Variants in MEGF10 observed in about 807,000 individuals in gnomAD.
MEGF10 encodes the protein multiple EGF like domains 10.
In MEGF10, 86 loss-of-function variants were observed where a neutral mutation model predicts 147.5. The observed-to-expected ratio is 0.58, with a 90% CI of 0.49 to 0.70. The LOEUF is 0.70. MEGF10 is among the 30% of genes least tolerant of loss of function. MEGF10 has a pLI of 0.00. For missense variants in MEGF10, 1,329 were observed against 1,487.3 expected, an observed-to-expected ratio of 0.89 and a Z score of 1.75; for synonymous variants, 478 against 525.5, an observed-to-expected ratio of 0.91 and a Z score of 1.24.
intron 19 of MEGF10, chr5:127,444,846 T>A (rs1765882471): frequency 6.5e-6 from 1 of 152,790 alleles, no homozygotes; most frequent in African/African-American, 2.4e-5. Context: ...AGATTTATAA[T>A]GGTGTTATGC....
chr5:127,238,807 A>G, the MEGF10 span, among the ~76,000 whole-genome samples: 1 of 149,950 alleles, frequency 6.7e-6, no homozygotes, highest in East Asian at 1.9e-4. Flanking sequence ...ATCTGTGTAA[A>G]TGTCTCTTGG....
chr5:127,254,697 G>A, the MEGF10 span, among the ~76,000 whole-genome samples: 1 of 151,670 alleles, frequency 6.6e-6, no homozygotes, highest in East Asian at 2.0e-4. Flanking sequence ...TGTAATCCAA[G>A]CTACTTGGGA....
At chr5:127,278,810 G>T in the MEGF10 span, among the ~76,000 whole-genome samples, 1 of 152,198 alleles carries the variant, frequency 6.6e-6, no homozygotes, top group African/African-American at 2.4e-5. Flanking sequence ...AACTGACAGT[G>T]AAGATGAAAG....
Position 127,455,498 on chromosome 5 carries a change from G to A in MEGF10, c.3123G>A (p.Pro1041=), listed in dbSNP as rs764182965. ...TTAAAGACCCACCTGTACTTATCCC[G>A]AAAAGCTCAGAGTGTGGTTATGTGG... ...ATIKDPPVLI[P]KSSECGYVEM... The change falls in exon 24 of 25, where the codon CCG becomes CCA. Residue 1041 remains proline, a synonymous_variant. Coordinates refer to ENST00000503335, the MANE Select transcript of MEGF10 (RefSeq NM_001256545.2). 14 of 1,614,038 alleles carry A rather than the reference G, an allele frequency of 8.7e-6. 1 individual carries two copies. The highest frequency in any genetic ancestry group is 4.5e-5 in the East Asian group (2 of 44,860).
chr5:127,440,912 T>C, intron 18 of MEGF10, 45 bp downstream of exon 18: 1 of 1,598,932 alleles, frequency 6.3e-7, no homozygotes, highest in Non-Finnish European at 8.5e-7. Flanking sequence ...TTTTTTCCTC[T>C]AGAATCACAT....
intron 5 of MEGF10, among the ~76,000 whole-genome samples, chr5:127,373,181 C>G (rs192070348): frequency 2.2e-4 from 33 of 152,174 alleles, no homozygotes; most frequent in Admixed American, 4.6e-4. Flanking sequence ...AGACTAGAGT[C>G]TCGCTCTGTC....
intron 13 of MEGF10, among the ~76,000 whole-genome samples, chr5:127,428,787 T>C (rs912434723): frequency 9.2e-5 from 14 of 152,250 alleles, no homozygotes; most frequent in African/African-American, 3.4e-4. Context: ...TTTGGGGTTA[T>C]ATCTATGAGA....
rs1291742044 is a variant in MEGF10 at position 127,400,436 on chromosome 5, T to G, written c.780+1640T>G. On this transcript the variant is annotated intron_variant, in intron 7 of 24. Transcript: ENST00000503335. ...AAGGCTACTCCTTCTCTACCTTTTT[T>G]GTCTTGGTTAAAACTAACACTTCTC... Among the ~76,000 whole-genome samples the G allele has an allele frequency of 2.0e-5, 3 of 152,230 alleles. No individual in the cohort carries two copies. In the South Asian group the frequency reaches 6.2e-4, roughly 32 times the overall value.
At position 127,437,769 on chromosome 5, in the gene MEGF10, A is replaced by G. The variant is rs971216867; in HGVS notation, c.2105-670A>G. Among the ~76,000 whole-genome samples the G allele has an allele frequency of 2.0e-5, 3 of 152,274 alleles. No individual in the cohort carries two copies. In the East Asian group the frequency reaches 5.8e-4, roughly 29 times the overall value. ...TTTTTACATACCGCTGGGAACCTCA[A>G]TATTTAAAAGGAGCCTGAAGTGGCA... On this transcript the variant is annotated intron_variant, in intron 16 of 24. Coordinates refer to ENST00000503335, the MANE Select transcript of MEGF10 (RefSeq NM_001256545.2).
At chr5:127,391,108 A>ACG (rs1763666431) in intron 5 of MEGF10, among the ~76,000 whole-genome samples, 1 of 30,862 alleles carries the variant, frequency 3.2e-5, no homozygotes, top group Non-Finnish European at 1.3e-4. Flanking sequence ...GCGCGCACAC[A>ACG]CACACACACA....
At chr5:127,417,891 C>A in intron 10 of MEGF10, 79 bp downstream of exon 10, 1 of 1,374,434 alleles carries the variant, frequency 7.3e-7, no homozygotes. Flanking sequence ...ATATGACCTC[C>A]AGTGAAATAC....
At chr5:127,318,925 G>A (rs1465865286) in intron 1 of MEGF10, among the ~76,000 whole-genome samples, 1 of 152,112 alleles carries the variant, frequency 6.6e-6, no homozygotes, top group African/African-American at 2.4e-5. Context: ...TGAAAAACCT[G>A]TGACTTGAAA....
intron 16 of MEGF10, 57 bp downstream of exon 16, chr5:127,435,546 C>T: frequency 2.6e-6 from 4 of 1,523,958 alleles, no homozygotes; most frequent in Non-Finnish European, 3.6e-6. Context: ...TTTTCAGATT[C>T]TTTAGGATTG....
chr5:127,407,525 A>G, intron 8 of MEGF10, among the ~76,000 whole-genome samples: 1 of 152,226 alleles, frequency 6.6e-6, no homozygotes, highest in Non-Finnish European at 1.5e-5. Flanking sequence ...TACCAATTCC[A>G]GGACATTACT....
chr5:127,410,817 G>T (rs1354117794), intron 9 of MEGF10, among the ~76,000 whole-genome samples: 1 of 152,228 alleles, frequency 6.6e-6, no homozygotes, highest in Admixed American at 6.5e-5. Flanking sequence ...ATGGTTACTG[G>T]TGGATAGCAA....
At chr5:127,291,601 G>T (rs890681887) in intron 1 of MEGF10, among the ~76,000 whole-genome samples, 5 of 152,150 alleles carry the variant, frequency 3.3e-5, no homozygotes, top group Admixed American at 1.3e-4. Flanking sequence ...GTGTGAGGTC[G>T]CAGTCTTAGA....
chr5:127,247,180 A>G, the MEGF10 span, among the ~76,000 whole-genome samples: 1 of 145,788 alleles, frequency 6.9e-6, no homozygotes, highest in Admixed American at 7.2e-5. Context: ...AACATGTTTT[A>G]CAAAATTTTA....
intron 15 of MEGF10, 138 bp downstream of exon 15, chr5:127,434,959 G>A: frequency 1.6e-6 from 2 of 1,230,364 alleles, no homozygotes; most frequent in Non-Finnish European, 2.2e-6. Flanking sequence ...TGCTGTGTCT[G>A]CAGCTTCTCA....
chr5:127,352,001 T>A (rs1483669192), intron 4 of MEGF10, among the ~76,000 whole-genome samples: 1 of 152,176 alleles, frequency 6.6e-6, no homozygotes, highest in African/African-American at 2.4e-5. Context: ...CTAGCAGTGA[T>A]CATGTTCCTT....
Sources: allele counts gnomAD v4.1 joint callset (sites outside exome capture counted in the v4.1 genomes callset), GRCh38; gene constraint gnomAD v4.1.1; transcripts MANE v1.5; gene names NCBI Gene and HGNC (gene_info 2026-07-23, HGNC 2026-07-21).